Variants in STK3 observed in about 807,000 individuals in gnomAD.
The protein encoded by STK3 is serine/threonine kinase 3.
STK3 carries 41 observed loss-of-function variants against 58.0 expected under a neutral mutation model. The observed-to-expected ratio is 0.71, with a 90% CI of 0.55 to 0.92. The LOEUF (loss-of-function observed/expected upper bound fraction) is 0.92, where lower values mean the gene tolerates loss of function less well. Ranked by LOEUF, STK3 falls within the 40% of genes least tolerant of loss-of-function variation. STK3 has a pLI of 0.00. For synonymous variants in STK3, 170 were observed against 191.0 expected, an observed-to-expected ratio of 0.89 and a Z score of 0.91; for missense variants, 479 against 602.7, an observed-to-expected ratio of 0.79 and a Z score of 2.15.
chr8:98,723,529 T>C (rs568271464), intron 4 of STK3, among the ~76,000 whole-genome samples: 129 of 152,208 alleles, frequency 8.5e-4, no homozygotes, highest in African/African-American at 3.0e-3. Flanking sequence ...TGCCTTAATG[T>C]TTTTAGATCA....
At chr8:98,494,654 C>CAA (rs398008984) in intron 10 of STK3, among the ~76,000 whole-genome samples, 633 of 40,018 alleles carry the variant, frequency 0.016, 56 homozygotes, top group Middle Eastern at 0.077. Context: ...GACCCTGTCT[C>CAA]AAAAAAAAAA....
At chr8:98,749,173 T>C (rs1829815506) in intron 4 of STK3, 103 bp downstream of exon 4, 1 of 863,040 alleles carries the variant, frequency 1.2e-6, no homozygotes, top group Non-Finnish European at 1.8e-6. Flanking sequence ...AACCTTTTCT[T>C]TTTTCATGCT....
At chr8:98,815,199 T>C (rs1042656524) in intron 1 of STK3, among the ~76,000 whole-genome samples, 1 of 152,170 alleles carries the variant, frequency 6.6e-6, no homozygotes, top group African/African-American at 2.4e-5. Flanking sequence ...GTAATTTGAA[T>C]TTATATATGC....
intron 2 of STK3, among the ~76,000 whole-genome samples, chr8:98,770,426 A>G (rs1451158630): frequency 6.6e-6 from 1 of 152,242 alleles, no homozygotes; most frequent in Non-Finnish European, 1.5e-5. Context: ...CCAGAGAGGA[A>G]GAAATGTACT....
chr8:98,628,404 G>T (rs894592900), intron 6 of STK3, among the ~76,000 whole-genome samples: 9 of 152,080 alleles, frequency 5.9e-5, no homozygotes, highest in African/African-American at 2.2e-4. Flanking sequence ...CTTAACCTGG[G>T]GGTTCCCTGA....
chr8:98,474,816 C>T (rs1028495396), intron 10 of STK3, among the ~76,000 whole-genome samples: 38 of 152,096 alleles, frequency 2.5e-4, no homozygotes, highest in African/African-American at 7.0e-4. Context: ...CATTTATCAC[C>T]GTACTGCAAT....
chr8:98,731,657 A>G (rs1483668582), intron 4 of STK3, among the ~76,000 whole-genome samples: 1 of 150,456 alleles, frequency 6.6e-6, no homozygotes, highest in Non-Finnish European at 1.5e-5. Flanking sequence ...CGGGAGGCAG[A>G]GCTTGCAGTA....
At chr8:98,729,054 T>C (rs193139630) in intron 4 of STK3, among the ~76,000 whole-genome samples, 3 of 152,298 alleles carry the variant, frequency 2.0e-5, no homozygotes, top group Non-Finnish European at 1.5e-5. Flanking sequence ...AATATGCTAG[T>C]ATATTTTGAA....
At chr8:98,780,444 C>G (rs1261952059) in intron 1 of STK3, among the ~76,000 whole-genome samples, 8 of 152,104 alleles carry the variant, frequency 5.3e-5, no homozygotes, top group African/African-American at 1.9e-4. Flanking sequence ...GTTCTTTGCT[C>G]ATTTTTCCAC....
chr8:98,533,263 T>C (rs1281430134), intron 9 of STK3, among the ~76,000 whole-genome samples: 2 of 152,184 alleles, frequency 1.3e-5, no homozygotes, highest in African/African-American at 2.4e-5. Context: ...TTTTTCTCTA[T>C]GTGCAGATCT....
intron 6 of STK3, among the ~76,000 whole-genome samples, chr8:98,652,792 T>C (rs1473719749): frequency 6.6e-6 from 1 of 150,650 alleles, no homozygotes; most frequent in Non-Finnish European, 1.5e-5. Flanking sequence ...CTATCCTAAA[T>C]ATATATGCAC....
At chr8:98,544,526 T>C (rs1430061668) in intron 9 of STK3, among the ~76,000 whole-genome samples, 1 of 152,080 alleles carries the variant, frequency 6.6e-6, no homozygotes, top group African/African-American at 2.4e-5. Context: ...TTTCAGAGGG[T>C]CTGCTCTGTG....
chr8:98,600,949 A>G (rs1442269300), intron 6 of STK3, among the ~76,000 whole-genome samples: 2 of 152,226 alleles, frequency 1.3e-5, no homozygotes, highest in African/African-American at 4.8e-5. Flanking sequence ...TTAAAAATTT[A>G]AACTGTCAAT....
chr8:98,597,740 T>C, intron 6 of STK3: 1 of 985,124 alleles, frequency 1.0e-6, no homozygotes. Context: ...CCTTTAAATA[T>C]CAGACCTTAT....
In STK3 at chr8:98,575,759, A is replaced by C. The variant is rs188612926; in HGVS notation, c.948+3905T>G. ...AGTGCTGGTATTACAGGCATGAGCCACCGCACCCAGCTTCTATACATTTTG... is the reference window on the plus strand; with the variant it reads ...AGTGCTGGTATTACAGGCATGAGCCCCCGCACCCAGCTTCTATACATTTTG... On this transcript the variant is annotated intron_variant, in intron 8 of 10. Coordinates refer to ENST00000419617, the MANE Select transcript of STK3 (RefSeq NM_006281.4). Among the ~76,000 whole-genome samples the C allele has an allele frequency of 9.5e-3, 1,450 of 152,084 alleles. 16 individuals carry two copies. Among genetic ancestry groups the C allele is most frequent in the South Asian group, 0.03 (146 of 4,808 alleles).
chr8:98,748,998 A>G (rs1223615538), intron 4 of STK3, among the ~76,000 whole-genome samples: 1 of 151,958 alleles, frequency 6.6e-6, no homozygotes, highest in Non-Finnish European at 1.5e-5. Context: ...ACACACACAC[A>G]CGCTGATTCC....
chr8:98,863,649 A>G (rs564476793), intron 3 of STK3, among the ~76,000 whole-genome samples: 1 of 152,334 alleles, frequency 6.6e-6, no homozygotes, highest in East Asian at 1.9e-4. Flanking sequence ...TTTTAAATGA[A>G]AACAACCCAT....
At chr8:98,352,264 A>G in the STK3 span, among the ~76,000 whole-genome samples, 1 of 152,192 alleles carries the variant, frequency 6.6e-6, no homozygotes. Flanking sequence ...AAGGGAATGA[A>G]AGTCATTACA....
At chr8:98,598,620 G>A in intron 6 of STK3, 1 of 985,266 alleles carries the variant, frequency 1.0e-6, no homozygotes, top group Non-Finnish European at 1.2e-6. Flanking sequence ...GAGTTGATTA[G>A]GTATTAGGCC....
Sources: allele counts gnomAD v4.1 joint callset (sites outside exome capture counted in the v4.1 genomes callset), GRCh38; gene constraint gnomAD v4.1.1; transcripts MANE v1.5; gene names NCBI Gene and HGNC (gene_info 2026-07-23, HGNC 2026-07-21).